The following H4C6 variants were observed in gnomAD, a reference collection of about 807,000 sequenced individuals.
H4C6 encodes the protein histone H4.
A neutral mutation model predicts 5.7 loss-of-function variants in H4C6; 8 were observed. The observed-to-expected ratio is 1.41, with a 90% CI of 0.82 to 2.54. The LOEUF is 2.54. Among genes scored for constraint, H4C6 ranks in the 30% most tolerant of loss-of-function variants. The pLI, the probability that H4C6 is intolerant of heterozygous loss-of-function variation, is 0.00. For missense variants in H4C6, 230 were observed against 145.9 expected, an observed-to-expected ratio of 1.58 and a Z score of -2.97; for synonymous variants, 124 against 57.0, an observed-to-expected ratio of 2.18 and a Z score of -5.30.
chr6:26,240,643 A>G lies in H4C6; in HGVS notation c.218A>G (p.Tyr73Cys). 6.2e-7 allele frequency: 1 copy of G among 1,614,108 alleles called. No individual in the cohort carries two copies. Among genetic ancestry groups the G allele is most frequent in the Non-Finnish European group, 8.5e-7 (1 of 1,179,946 alleles). Residue 73 changes from tyrosine (Y) to cysteine (C), a missense_variant, in exon 1 of 1, where the codon TAC becomes TGC. By Grantham distance (194) the Tyr-to-Cys change is radical. Coordinates refer to ENST00000244537, the MANE Select transcript of H4C6 (RefSeq NM_003540.4). ...AATGTGATACGGGACGCCGTAACCT[A>G]CACGGAGCACGCCAAGCGTAAGACA... ...LENVIRDAVT[Y>C]TEHAKRKTVT... is the part of the protein sequence containing the mutation.
Position 26,240,775 on chromosome 6 carries a change from A to G in H4C6, c.*38A>G. The G allele has an allele frequency of 6.6e-7, 1 of 1,514,686 alleles. No individual in the cohort carries two copies. The highest frequency in any genetic ancestry group is 8.9e-7 in the Non-Finnish European group (1 of 1,127,556). The allele number at this position is 1,514,686 out of a possible 1,614,324, so 93.8% of individuals were successfully genotyped here. On this transcript the variant is annotated 3_prime_UTR_variant, in exon 1 of 1. Coordinates refer to ENST00000244537, the MANE Select transcript of H4C6 (RefSeq NM_003540.4). ...CTTTTTATTTAACAGCTCACCCATA[A>G]AAGGCCCTTTTCAGGGCCACCTCCT...
chr6:26,240,614 G>A lies in H4C6; in HGVS notation c.189G>A (p.Leu63=), dbSNP rs140347150. The A allele has an allele frequency of 3.1e-6, 5 of 1,613,862 alleles. No homozygotes were observed. In the East Asian group the frequency reaches 6.7e-5, roughly 22 times the overall value. ...CCCGCGGTGTTCTTAAGGTGTTCCT[G>A]GAGAATGTGATACGGGACGCCGTAA... ...EETRGVLKVF[L]ENVIRDAVTY... is the part of the protein sequence containing the mutation. The change falls in exon 1 of 1, where the codon CTG becomes CTA. Residue 63 remains leucine (L), a synonymous_variant. Coordinates refer to ENST00000244537, the MANE Select transcript of H4C6 (RefSeq NM_003540.4).
chr6:26,240,779 GC>G lies in H4C6; in HGVS notation c.*45del. ...TTATTTAACAGCTCACCCATAAAAG[GC>G]CCTTTTCAGGGCCACCTCCTTCGTC... On this transcript the variant is annotated 3_prime_UTR_variant, in exon 1 of 1. Coordinates refer to ENST00000244537, the MANE Select transcript of H4C6 (RefSeq NM_003540.4). The G allele has an allele frequency of 6.7e-7, 1 of 1,498,094 alleles. No individual in the cohort carries two copies. The highest frequency in any genetic ancestry group is 9.0e-7 in the Non-Finnish European group (1 of 1,114,586). The allele number at this position is 1,498,094 out of a possible 1,614,324, so 92.8% of individuals were successfully genotyped here.
rs762560157 is a variant in H4C6, at chr6:26,240,512, C to G, written c.87C>G (p.Gly29=). ...AAGTGCTGCGTGACAACATACAGGGCATCACGAAGCCCGCCATCCGTCGCT... is the reference window on the plus strand; with the variant it reads ...AAGTGCTGCGTGACAACATACAGGGGATCACGAAGCCCGCCATCCGTCGCT... The part of the protein sequence containing the change: ...HRKVLRDNIQ[G]ITKPAIRRLA... Residue 29 remains glycine, a synonymous_variant, in exon 1 of 1, where the codon GGC becomes GGG. Transcript: ENST00000244537. The G allele has an allele frequency of 1.2e-6, 2 of 1,613,818 alleles. No homozygotes were observed. The highest frequency in any genetic ancestry group is 2.7e-5 in the African/African-American group (2 of 75,086).
Position 26,240,575 on chromosome 6 carries a change from C to T in H4C6, c.150C>T (p.Leu50=). ...RRGGVKRISG[L]IYEETRGVLK... ...GCGGCGTGAAACGCATTTCGGGCCTCATTTATGAGGAGACCCGCGGTGTTC... is the reference window on the plus strand; with the variant it reads ...GCGGCGTGAAACGCATTTCGGGCCTTATTTATGAGGAGACCCGCGGTGTTC... Residue 50 remains leucine (L), a synonymous_variant, in exon 1 of 1, where the codon CTC becomes CTT. Coordinates refer to ENST00000244537, the MANE Select transcript of H4C6 (RefSeq NM_003540.4). 2.5e-6 allele frequency: 4 copies of T among 1,614,216 alleles called. No homozygotes were observed. Among genetic ancestry groups the T allele is most frequent in the East Asian group, 2.2e-5 (1 of 44,882 alleles).
chr6:26,240,580 A>T lies in H4C6; in HGVS notation c.155A>T (p.Tyr52Phe). Residue 52 changes from tyrosine (Y) to phenylalanine (F), a missense_variant, in exon 1 of 1, where the codon TAT becomes TTT. By Grantham distance (22) the Tyr-to-Phe change is conservative. Transcript: ENST00000244537. Reference protein sequence around the residue: ...GGVKRISGLIYEETRGVLKVF... With the variant: ...GGVKRISGLIFEETRGVLKVF... ...GTGAAACGCATTTCGGGCCTCATTT[A>T]TGAGGAGACCCGCGGTGTTCTTAAG... 2 of 1,614,248 alleles carry T rather than the reference A, an allele frequency of 1.2e-6. No individual in the cohort carries two copies. Among genetic ancestry groups the T allele is most frequent in the African/African-American group, 1.3e-5 (1 of 75,070 alleles).
rs745348597 is a variant in H4C6, at chr6:26,240,787, C to A, written c.*50C>A. On this transcript the variant is annotated 3_prime_UTR_variant, in exon 1 of 1. Transcript: ENST00000244537. ...CAGCTCACCCATAAAAGGCCCTTTT[C>A]AGGGCCACCTCCTTCGTCACACGAA... is the stretch of plus-strand genomic sequence containing the variant. 2 of 1,455,824 alleles carry A rather than the reference C, an allele frequency of 1.4e-6. No individual in the cohort carries two copies. Among genetic ancestry groups the A allele is most frequent in the South Asian group, 1.4e-5 (1 of 73,652 alleles). The allele number at this position is 1,455,824 out of a possible 1,614,324, so 90.2% of individuals were successfully genotyped here.
chr6:26,240,643 A>T lies in H4C6; in HGVS notation c.218A>T (p.Tyr73Phe). Reference protein sequence around the residue: ...LENVIRDAVTYTEHAKRKTVT... With the variant: ...LENVIRDAVTFTEHAKRKTVT... ...AATGTGATACGGGACGCCGTAACCT[A>T]CACGGAGCACGCCAAGCGTAAGACA... is the stretch of plus-strand genomic sequence containing the variant. The change falls in exon 1 of 1, where the codon TAC (tyrosine) becomes TTC (phenylalanine). Residue 73 changes from tyrosine (Y) to phenylalanine (F), a missense_variant. Physicochemically the swap from Tyr to Phe is conservative, Grantham distance 22. Coordinates refer to ENST00000244537, the MANE Select transcript of H4C6 (RefSeq NM_003540.4). 1.2e-6 allele frequency: 2 copies of T among 1,614,108 alleles called. No individual in the cohort carries two copies. Among genetic ancestry groups the T allele is most frequent in the Non-Finnish European group, 1.7e-6 (2 of 1,179,946 alleles).
chr6:26,240,605 G>A lies in H4C6; in HGVS notation c.180G>A (p.Lys60=), dbSNP rs781725356. The part of the protein sequence containing the change: ...LIYEETRGVL[K]VFLENVIRDA... ...ATGAGGAGACCCGCGGTGTTCTTAA[G>A]GTGTTCCTGGAGAATGTGATACGGG... The change falls in exon 1 of 1, where the codon AAG becomes AAA. Residue 60 remains lysine (K), a synonymous_variant. Coordinates refer to ENST00000244537, the MANE Select transcript of H4C6 (RefSeq NM_003540.4). The A allele has an allele frequency of 1.9e-5, 30 of 1,614,106 alleles. No homozygotes were observed. Among genetic ancestry groups the A allele is most frequent in the South Asian group, 1.6e-4 (15 of 91,090 alleles).
chr6:26,240,730 G>T lies in H4C6; in HGVS notation c.305G>T (p.Gly102Val). The change falls in exon 1 of 1, where the codon GGT becomes GTT. Residue 102 changes from glycine (G) to valine (V), a missense_variant. Transcript: ENST00000244537. ...CAGGGACGCACTCTGTACGGCTTTG[G>T]TGGCTGAGCCTCACCCCGGCTTTTT... Reference protein sequence around the residue: ...KRQGRTLYGFGG With the variant: ...KRQGRTLYGFVG The T allele has an allele frequency of 6.3e-7, 1 of 1,576,040 alleles. No individual in the cohort carries two copies. The highest frequency in any genetic ancestry group is 1.3e-5 in the African/African-American group (1 of 74,316).
rs367647838 is a variant in H4C6, at chr6:26,240,685, T to C, written c.260T>C (p.Val87Ala). ...AKRKTVTAMD[V>A]VYALKRQGRT... ...CGTAAGACAGTCACTGCAATGGATG[T>C]TGTCTACGCGCTCAAGCGCCAGGGA... The change falls in exon 1 of 1, where the codon GTT becomes GCT. Residue 87 changes from valine to alanine, a missense_variant. By Grantham distance (64) the Val-to-Ala change is moderately conservative. Transcript: ENST00000244537. 5 of 1,609,542 alleles carry C rather than the reference T, an allele frequency of 3.1e-6. No individual in the cohort carries two copies. Among genetic ancestry groups the C allele is most frequent in the Non-Finnish European group, 4.2e-6 (5 of 1,177,112 alleles).
Position 26,240,483 on chromosome 6 carries a change from C to G in H4C6, c.58C>G (p.Arg20Gly). 1.9e-6 allele frequency: 3 copies of G among 1,602,838 alleles called. No homozygotes were observed. The highest frequency in any genetic ancestry group is 2.6e-6 in the Non-Finnish European group (3 of 1,171,374). The change falls in exon 1 of 1, where the codon CGC becomes GGC. Residue 20 changes from arginine to glycine, a missense_variant. Transcript: ENST00000244537. ...AGGAAAGGGAGGCGCCAAGCGCCATCGCAAAGTGCTGCGTGACAACATACA... is the reference window on the plus strand; with the variant it reads ...AGGAAAGGGAGGCGCCAAGCGCCATGGCAAAGTGCTGCGTGACAACATACA... ...GLGKGGAKRH[R>G]KVLRDNIQGI...
In H4C6 at chr6:26,240,460, G is replaced by T; in HGVS notation, c.35G>T (p.Gly12Val). The T allele has an allele frequency of 1.3e-6, 2 of 1,592,590 alleles. No homozygotes were observed. Among genetic ancestry groups the T allele is most frequent in the South Asian group, 1.1e-5 (1 of 88,520 alleles). Residue 12 changes from glycine (G) to valine (V), a missense_variant, in exon 1 of 1, where the codon GGA (glycine) becomes GTA (valine). Gly to Val is a moderately radical substitution (Grantham distance 109). Coordinates refer to ENST00000244537, the MANE Select transcript of H4C6 (RefSeq NM_003540.4). ...SGRGKGGKGL[G>V]KGGAKRHRKV... ...AGAGGCAAAGGTGGTAAAGGTTTAG[G>T]AAAGGGAGGCGCCAAGCGCCATCGC... is the stretch of plus-strand genomic sequence containing the variant.
rs3734534 is a variant in H4C6, at chr6:26,240,421, C to T, written c.-5C>T. 198,781 of 1,535,800 alleles carry T rather than the reference C, an allele frequency of 0.13. 13,513 individuals carry two copies. Among genetic ancestry groups the T allele is most frequent in the Middle Eastern group, 0.18 (1,020 of 5,702 alleles). ...AAAGTTAAGAGTTGTTGTTTGTCTT[C>T]GATCATGTCTGGTAGAGGCAAAGGT... On this transcript the variant is annotated 5_prime_UTR_variant, in exon 1 of 1. Transcript: ENST00000244537.
In H4C6 at chr6:26,240,480, C is replaced by T. The variant is rs1759866490; in HGVS notation, c.55C>T (p.His19Tyr). The change falls in exon 1 of 1, where the codon CAT becomes TAT. Residue 19 changes from histidine to tyrosine, a missense_variant. Transcript: ENST00000244537. ...TTTAGGAAAGGGAGGCGCCAAGCGC[C>T]ATCGCAAAGTGCTGCGTGACAACAT... ...KGLGKGGAKRHRKVLRDNIQG... is the reference protein window; with the variant it reads ...KGLGKGGAKRYRKVLRDNIQG... 2 of 1,602,004 alleles carry T rather than the reference C, an allele frequency of 1.2e-6. No homozygotes were observed. Among genetic ancestry groups the T allele is most frequent in the South Asian group, 1.1e-5 (1 of 90,504 alleles).
rs1759872912 is a variant in H4C6, at chr6:26,240,659, G to A, written c.234G>A (p.Lys78=). The stretch of plus-strand genomic sequence containing the variant: ...CCGTAACCTACACGGAGCACGCCAA[G>A]CGTAAGACAGTCACTGCAATGGATG... ...RDAVTYTEHA[K]RKTVTAMDVV... is the part of the protein sequence containing the mutation. The change falls in exon 1 of 1, where the codon AAG becomes AAA. Residue 78 remains lysine, a synonymous_variant. Coordinates refer to ENST00000244537, the MANE Select transcript of H4C6 (RefSeq NM_003540.4). 1.2e-6 allele frequency: 2 copies of A among 1,613,454 alleles called. No individual in the cohort carries two copies. The highest frequency in any genetic ancestry group is 1.7e-6 in the Non-Finnish European group (2 of 1,179,484).
Position 26,240,692 on chromosome 6 carries a change from C to G in H4C6, c.267C>G (p.Tyr89Ter). 1 of 1,606,120 alleles carries G rather than the reference C, an allele frequency of 6.2e-7. No homozygotes were observed. Among genetic ancestry groups the G allele is most frequent in the Non-Finnish European group, 8.5e-7 (1 of 1,175,160 alleles). ...RKTVTAMDVV[Y>*]ALKRQGRTLY... ...CAGTCACTGCAATGGATGTTGTCTACGCGCTCAAGCGCCAGGGACGCACTC... is the reference window on the plus strand; with the variant it reads ...CAGTCACTGCAATGGATGTTGTCTAGGCGCTCAAGCGCCAGGGACGCACTC... The change falls in exon 1 of 1, where the codon TAC becomes TAG. Residue 89 changes from tyrosine to a stop codon, truncating the protein, a stop_gained. Transcript: ENST00000244537. LOFTEE classifies it high-confidence loss of function.
At position 26,240,417 on chromosome 6, in the gene H4C6, T is replaced by C. The variant is rs373265059; in HGVS notation, c.-9T>C. ...TGCAAAAGTTAAGAGTTGTTGTTTGTCTTCGATCATGTCTGGTAGAGGCAA... is the reference window on the plus strand; with the variant it reads ...TGCAAAAGTTAAGAGTTGTTGTTTGCCTTCGATCATGTCTGGTAGAGGCAA... On this transcript the variant is annotated 5_prime_UTR_variant, in exon 1 of 1. Transcript: ENST00000244537. 1.8e-5 allele frequency: 27 copies of C among 1,536,302 alleles called. No homozygotes were observed. The highest frequency in any genetic ancestry group is 6.0e-5 in the Admixed American group (3 of 49,842).
chr6:26,240,671 C>CA lies in H4C6; in HGVS notation c.247dup (p.Thr83AsnfsTer35). On this transcript the variant is annotated frameshift_variant, in exon 1 of 1. Coordinates refer to ENST00000244537, the MANE Select transcript of H4C6 (RefSeq NM_003540.4). LOFTEE classifies it high-confidence loss of function. ...CGGAGCACGCCAAGCGTAAGACAGT[C>CA]ACTGCAATGGATGTTGTCTACGCGC... is the stretch of plus-strand genomic sequence containing the variant. 1 of 1,612,128 alleles carries CA rather than the reference C, an allele frequency of 6.2e-7. No individual in the cohort carries two copies. Among genetic ancestry groups the CA allele is most frequent in the Non-Finnish European group, 8.5e-7 (1 of 1,178,726 alleles).
Sources: allele counts gnomAD v4.1 joint callset, GRCh38; gene constraint gnomAD v4.1.1; transcripts MANE v1.5; gene names NCBI Gene and HGNC (gene_info 2026-07-23, HGNC 2026-07-21).